DPY30: variants seen among roughly 807,000 people sequenced by gnomAD.
The protein encoded by DPY30 is protein dpy-30 homolog.
A neutral mutation model predicts 16.2 loss-of-function variants in DPY30; 6 were observed. The ratio of observed to expected loss-of-function variants is 0.37; its 90% CI spans 0.20 to 0.73. DPY30 has a LOEUF of 0.73. DPY30 is among the 30% of genes least tolerant of loss of function. The probability of loss-of-function intolerance (pLI) is 0.51; values close to 1 mark genes in which losing one functional copy is unlikely to be tolerated. For missense variants in DPY30, 73 were observed against 113.1 expected (o/e 0.65, Z 1.61); for synonymous variants, 39 against 38.8 (o/e 1.00, Z -0.02).
downstream of DPY30, among the ~76,000 whole-genome samples, chr2:32,020,464 AC>A (rs1208167904): frequency 1.3e-5 from 2 of 151,390 alleles, no homozygotes; most frequent in African/African-American, 2.4e-5. Flanking sequence ...GTGAGCTATG[AC>A]CATGCCATTG....
At chr2:32,028,311 A>G (rs1675409565) in intron 4 of DPY30, among the ~76,000 whole-genome samples, 1 of 152,086 alleles carries the variant, frequency 6.6e-6, no homozygotes, top group Non-Finnish European at 1.5e-5. Context: ...CAAGTTCTTT[A>G]TCAAGTTATG....
chr2:32,024,299 A>T (rs1420411059), intron 4 of DPY30, 43 bp from the exon 5 acceptor site: 2 of 1,390,688 alleles, frequency 1.4e-6, no homozygotes, highest in Admixed American at 3.9e-5. Flanking sequence ...TATATTTCCT[A>T]GGTGTGTTAA....
chr2:32,030,038 T>C (rs544497396), intron 3 of DPY30, among the ~76,000 whole-genome samples: 1 of 150,658 alleles, frequency 6.6e-6, no homozygotes, highest in South Asian at 2.1e-4. Context: ...TTTCTCTTTT[T>C]CATGTATCTT....
At chr2:32,032,124 G>A (rs2148664886) in intron 3 of DPY30, among the ~76,000 whole-genome samples, 1 of 152,054 alleles carries the variant, frequency 6.6e-6, no homozygotes, top group African/African-American at 2.4e-5. Flanking sequence ...AACATATATA[G>A]CATGGTTTCC....
At chr2:32,034,954 G>A (rs373431600) in intron 3 of DPY30, among the ~76,000 whole-genome samples, 21 of 151,532 alleles carry the variant, frequency 1.4e-4, no homozygotes, top group South Asian at 4.2e-4. Flanking sequence ...ACCCAAGATC[G>A]CGCCACTTCC....
At chr2:32,014,421 G>C (rs1675024562) in intron 5 of DPY30, among the ~76,000 whole-genome samples, 1 of 152,040 alleles carries the variant, frequency 6.6e-6, no homozygotes, top group African/African-American at 2.4e-5. Flanking sequence ...CCAGGAGTTT[G>C]AGACTGCAAT....
chr2:32,019,321 A>C (rs1675125947), downstream of DPY30, among the ~76,000 whole-genome samples: 1 of 152,086 alleles, frequency 6.6e-6, no homozygotes, highest in Non-Finnish European at 1.5e-5. Context: ...CATCAAAGAA[A>C]AATTTAGACA....
chr2:32,023,665 C>T (rs753970072), downstream of DPY30: 1 of 1,185,900 alleles, frequency 8.4e-7, no homozygotes, highest in South Asian at 1.3e-5. Context: ...CTTTAATGTA[C>T]ATTAGAATCA....
At chr2:32,017,751 T>C (rs1404708948) in intron 5 of DPY30, among the ~76,000 whole-genome samples, 1 of 152,246 alleles carries the variant, frequency 6.6e-6, no homozygotes, top group Non-Finnish European at 1.5e-5. Flanking sequence ...TTACGTAATT[T>C]AATTAAACAT....
chr2:32,027,869 C>G (rs1280566623), intron 4 of DPY30, among the ~76,000 whole-genome samples: 1 of 151,962 alleles, frequency 6.6e-6, no homozygotes, highest in Non-Finnish European at 1.5e-5. Context: ...ACCTCATGAT[C>G]TGCCCGCCTC....
At chr2:32,035,180 G>T (rs1407030249) in intron 3 of DPY30, among the ~76,000 whole-genome samples, 2 of 151,964 alleles carry the variant, frequency 1.3e-5, no homozygotes, top group African/African-American at 4.8e-5. Context: ...CTACTCAGGA[G>T]GCTGAGGTGG....
chr2:32,024,867 T>TAGGTG (rs1675273201), intron 4 of DPY30, among the ~76,000 whole-genome samples: 1 of 152,214 alleles, frequency 6.6e-6, no homozygotes, highest in Non-Finnish European at 1.5e-5. Flanking sequence ...ATAATTCTAT[T>TAGGTG]TAATACAACT....
At chr2:32,039,601 G>T in intron 1 of DPY30, 109 bp from the exon 2 acceptor site, 1 of 1,045,264 alleles carries the variant, frequency 9.6e-7, no homozygotes, top group Non-Finnish European at 1.4e-6. Context: ...ACCTGGGCGC[G>T]GGAGCACCAC....
intron 3 of DPY30, among the ~76,000 whole-genome samples, chr2:32,035,107 T>C (rs1476506187): frequency 7.4e-6 from 1 of 135,458 alleles, no homozygotes; most frequent in Non-Finnish European, 1.6e-5. Flanking sequence ...AGACTCCATT[T>C]AAAAAAAAAA....
intron 4 of DPY30, among the ~76,000 whole-genome samples, chr2:32,027,231 T>C (rs1171721672): frequency 1.4e-5 from 2 of 144,264 alleles, no homozygotes; most frequent in Non-Finnish European, 3.0e-5. Context: ...CCTGAGACTG[T>C]GCCACTGCAT....
Position 32,024,136 on chromosome 2 carries a change from C to A in DPY30, c.*48G>T. 6.3e-7 allele frequency: 1 copy of A among 1,590,120 alleles called. No homozygotes were observed. The highest frequency in any genetic ancestry group is 1.1e-5 in the South Asian group (1 of 87,890). On this transcript the variant is annotated 3_prime_UTR_variant, in exon 5 of 5. Transcript: ENST00000342166. Reference sequence around the variant, plus strand: ...ATGGCAATTAAAGCTGCCTCTTAATCATGTAAATCTACAGTAGCAACTAAA... The same window carrying A: ...ATGGCAATTAAAGCTGCCTCTTAATAATGTAAATCTACAGTAGCAACTAAA...
intron 3 of DPY30, among the ~76,000 whole-genome samples, chr2:32,036,062 C>A (rs1233190000): frequency 1.3e-5 from 2 of 151,754 alleles, no homozygotes; most frequent in African/African-American, 2.4e-5. Flanking sequence ...CTGGTTCACT[C>A]CAGCCTTGGC....
intron 4 of DPY30, among the ~76,000 whole-genome samples, chr2:32,026,000 C>G (rs977738858): frequency 2.6e-5 from 4 of 151,906 alleles, no homozygotes; most frequent in African/African-American, 9.7e-5. Flanking sequence ...CACAGCTACT[C>G]AGGAGGTTAG....
At chr2:32,029,548 A>G (rs750723677) in intron 4 of DPY30, 46 bp downstream of exon 4, 2 of 1,601,574 alleles carry the variant, frequency 1.2e-6, no homozygotes, top group Admixed American at 3.4e-5. Context: ...AGGGGAATCT[A>G]TTTTGCTTTC....
Sources: allele counts gnomAD v4.1 joint callset (sites outside exome capture counted in the v4.1 genomes callset), GRCh38; gene constraint gnomAD v4.1.1; transcripts MANE v1.5; gene names NCBI Gene and HGNC (gene_info 2026-07-23, HGNC 2026-07-21).